Variants in BRCA2 observed in about 807,000 individuals in gnomAD.
BRCA2 encodes the protein breast cancer type 2 susceptibility protein.
In BRCA2, 203 loss-of-function variants were observed where a neutral mutation model predicts 276.7. The ratio of observed to expected loss-of-function variants is 0.73; its 90% CI spans 0.65 to 0.82. BRCA2 has a LOEUF of 0.82. Among genes scored for constraint, BRCA2 ranks in the 40% least tolerant of loss-of-function variants. The pLI is 0.00. For synonymous variants in BRCA2, 1,289 were observed against 1,338.4 expected, an observed-to-expected ratio of 0.96 and a Z score of 0.81; for missense variants, 3,920 against 3,915.0, an observed-to-expected ratio of 1.00 and a Z score of -0.03.
rs876660049 is a variant in BRCA2 at position 32,340,936 on chromosome 13, T to C, written c.6581T>C (p.Ile2194Thr). Residue 2194 changes from isoleucine to threonine, a missense_variant, in exon 11 of 27, where the codon ATT becomes ACT. Around this residue, in one of 2 missense-constraint regions of BRCA2, gnomAD observed 3,263 missense variants for 3,156.9 expected, o/e 1.03. Coordinates refer to ENST00000380152, the MANE Select transcript of BRCA2 (RefSeq NM_000059.4). Reference protein sequence around the residue: ...QASPKNVKMEIGKTETFSDVP... With the variant: ...QASPKNVKMETGKTETFSDVP... ...TCACCTAAAAACGTAAAAATGGAAATTGGTAAAACTGAAACTTTTTCTGAT... is the reference window on the plus strand; with the variant it reads ...TCACCTAAAAACGTAAAAATGGAAACTGGTAAAACTGAAACTTTTTCTGAT... 2 of 1,610,136 alleles carry C rather than the reference T, an allele frequency of 1.2e-6. No individual in the cohort carries two copies. The highest frequency in any genetic ancestry group is 1.7e-6 in the Non-Finnish European group (2 of 1,179,110).
chr13:32,377,950 G>A (rs531757522), intron 21 of BRCA2, among the ~76,000 whole-genome samples: 2 of 152,294 alleles, frequency 1.3e-5, no homozygotes, highest in South Asian at 4.1e-4. Context: ...ATACTGAGTA[G>A]AATTCCCTCC....
chr13:32,334,484 T>C (rs1004772241), intron 10 of BRCA2, among the ~76,000 whole-genome samples: 2 of 151,960 alleles, frequency 1.3e-5, no homozygotes, highest in African/African-American at 4.8e-5. Context: ...AAGAACACCC[T>C]GGGCAACATA....
chr13:32,380,406 T>C (rs374023174), intron 24 of BRCA2, among the ~76,000 whole-genome samples: 1 of 152,180 alleles, frequency 6.6e-6, no homozygotes, highest in East Asian at 1.9e-4. Context: ...CTGCAATTTA[T>C]GTTTTCTTAC....
chr13:32,363,921 T>G (rs182214579), intron 18 of BRCA2, among the ~76,000 whole-genome samples: 18 of 152,320 alleles, frequency 1.2e-4, no homozygotes, highest in Non-Finnish European at 2.1e-4. Context: ...ATGTAGATTT[T>G]AAACTACATA....
chr13:32,328,618 G>GA (rs1217101127), intron 7 of BRCA2, among the ~76,000 whole-genome samples: 1 of 152,070 alleles, frequency 6.6e-6, no homozygotes, highest in Admixed American at 6.6e-5. Context: ...TAAATGAAAT[G>GA]AAAATTCTGA....
intron 26 of BRCA2, 36 bp from the exon 27 acceptor site, chr13:32,398,126 T>C (rs761755909): frequency 6.3e-7 from 1 of 1,577,448 alleles, no homozygotes; most frequent in Non-Finnish European, 8.6e-7. Flanking sequence ...TGTTACTACA[T>C]AATTATGATA....
At position 32,340,541 on chromosome 13, in the gene BRCA2, T is replaced by A. The variant is rs1315692124; in HGVS notation, c.6186T>A (p.Ser2062Arg). 1 of 1,613,082 alleles carries A rather than the reference T, an allele frequency of 6.2e-7. No homozygotes were observed. Among genetic ancestry groups the A allele is most frequent in the Non-Finnish European group, 8.5e-7 (1 of 1,179,530 alleles). ...SSAFSGFSTA[S>R]GKQVSILESS... ...CTTTCTCTGGATTTAGTACAGCAAG[T>A]GGAAAGCAAGTTTCCATTTTAGAAA... The change falls in exon 11 of 27, where the codon AGT becomes AGA. Residue 2062 changes from serine to arginine, a missense_variant. This residue lies in a region of BRCA2 where 3,263 missense variants were observed against 3,156.9 expected (regional missense o/e 1.03). Transcript: ENST00000380152.
chr13:32,378,428 GA>G (rs1369553186), intron 21 of BRCA2, among the ~76,000 whole-genome samples: 1 of 152,170 alleles, frequency 6.6e-6, no homozygotes, highest in African/African-American at 2.4e-5. Context: ...AGTCCTGTTA[GA>G]ATTTGTTTTC....
chr13:32,326,651 A>T (rs760707821), intron 7 of BRCA2, 38 bp downstream of exon 7: 1 of 1,453,176 alleles, frequency 6.9e-7, no homozygotes, highest in South Asian at 1.2e-5. Flanking sequence ...GAAAGAGCAG[A>T]TGAGGTTGAT....
chr13:32,370,834 C>T, intron 19 of BRCA2, 122 bp from the exon 20 acceptor site: 2 of 1,241,638 alleles, frequency 1.6e-6, no homozygotes, highest in Non-Finnish European at 2.3e-6. Context: ...CTCAGGTGAT[C>T]CACTAATCTC....
rs81002842 is a variant in BRCA2, at chr13:32,326,054, G to T, written c.426-47G>T. Reference sequence around the variant, plus strand: ...TTAAAAATAAGATAAACTAGTTTTTGCCAGTTTTTTAAAATAACCTAAGGG... The same window carrying T: ...TTAAAAATAAGATAAACTAGTTTTTTCCAGTTTTTTAAAATAACCTAAGGG... On this transcript the variant is annotated intron_variant, in intron 4 of 26. Coordinates refer to ENST00000380152, the MANE Select transcript of BRCA2 (RefSeq NM_000059.4). 1.6e-5 allele frequency: 24 copies of T among 1,518,434 alleles called. No homozygotes were observed. The highest frequency in any genetic ancestry group is 2.1e-5 in the Non-Finnish European group (23 of 1,106,928). The allele number at this position is 1,518,434 out of a possible 1,614,324, so 94.1% of individuals were successfully genotyped here. A position where few individuals can be genotyped will look rare whatever the true frequency, so the allele number is the denominator to read the frequency against.
In BRCA2 at chr13:32,340,864, A is replaced by G. The variant is rs1252272917; in HGVS notation, c.6509A>G (p.Lys2170Arg). The change falls in exon 11 of 27, where the codon AAA (lysine) becomes AGA (arginine). Residue 2170 changes from lysine (K) to arginine (R), a missense_variant. Coordinates refer to ENST00000380152, the MANE Select transcript of BRCA2 (RefSeq NM_000059.4). Reference sequence around the variant, plus strand: ...AAACAACAGTTGGTATTAGGAACCAAAGTGTCACTTGTTGAGAACATTCAT... The same window carrying G: ...AAACAACAGTTGGTATTAGGAACCAGAGTGTCACTTGTTGAGAACATTCAT... ...QDKQQLVLGTKVSLVENIHVL... is the reference protein window; with the variant it reads ...QDKQQLVLGTRVSLVENIHVL... 1 of 1,600,642 alleles carries G rather than the reference A, an allele frequency of 6.2e-7. No individual in the cohort carries two copies. Among genetic ancestry groups the G allele is most frequent in the Non-Finnish European group, 8.5e-7 (1 of 1,176,098 alleles).
intron 3 of BRCA2, among the ~76,000 whole-genome samples, chr13:32,323,310 ACCTGG>A (rs2072319696): frequency 6.6e-6 from 1 of 151,748 alleles, no homozygotes; most frequent in South Asian, 2.1e-4. Context: ...CCGCCACCAC[ACCTGG>A]CTGATTTTTT....
At chr13:32,319,361 C>T in intron 3 of BRCA2, 36 bp downstream of exon 3, 1 of 1,576,608 alleles carries the variant, frequency 6.3e-7, no homozygotes, top group Non-Finnish European at 8.7e-7. Context: ...GGGAGAACTA[C>T]AAACTAGGAA....
At position 32,340,803 on chromosome 13, in the gene BRCA2, A is replaced by C. The variant is rs1403648108; in HGVS notation, c.6448A>C (p.Lys2150Gln). The change falls in exon 11 of 27, where the codon AAA becomes CAA. Residue 2150 changes from lysine (K) to glutamine (Q), a missense_variant. Transcript: ENST00000380152. ...TTCTTCAGAAAATAATCACTCTATT[A>C]AAGTTTCTCCATATCTCTCTCAATT... Reference protein sequence around the residue: ...GGSSENNHSIKVSPYLSQFQQ... With the variant: ...GGSSENNHSIQVSPYLSQFQQ... 6.3e-7 allele frequency: 1 copy of C among 1,593,346 alleles called. No individual in the cohort carries two copies. The highest frequency in any genetic ancestry group is 2.2e-5 in the East Asian group (1 of 44,710).
At chr13:32,377,967 G>A (rs946698388) in intron 21 of BRCA2, among the ~76,000 whole-genome samples, 2 of 152,130 alleles carry the variant, frequency 1.3e-5, no homozygotes, top group East Asian at 1.9e-4. Flanking sequence ...CTCCTGTTCC[G>A]AAATGTTACA....
intron 3 of BRCA2, among the ~76,000 whole-genome samples, chr13:32,322,384 A>G (rs1184919856): frequency 6.6e-6 from 1 of 152,232 alleles, no homozygotes; most frequent in East Asian, 1.9e-4. Flanking sequence ...CAGGGGTCTC[A>G]CAGCCTTTTG....
rs1189525458 is a variant in BRCA2, at chr13:32,336,305, T to C, written c.1950T>C (p.Asn650=). ...CTGTGAAAAGAAGCTGTTCACAGAATGATTCTGAAGAACCAACTTTGTCCT... is the reference window on the plus strand; with the variant it reads ...CTGTGAAAAGAAGCTGTTCACAGAACGATTCTGAAGAACCAACTTTGTCCT... ...HSSVKRSCSQ[N]DSEEPTLSLT... is the part of the protein sequence containing the mutation. Residue 650 remains asparagine, a synonymous_variant, in exon 11 of 27, where the codon AAT becomes AAC. Coordinates refer to ENST00000380152, the MANE Select transcript of BRCA2 (RefSeq NM_000059.4). 1 of 1,603,118 alleles carries C rather than the reference T, an allele frequency of 6.2e-7. No individual in the cohort carries two copies. Among genetic ancestry groups the C allele is most frequent in the East Asian group, 2.2e-5 (1 of 44,788 alleles).
chr13:32,338,137 CTTCAAGTAAATGTCATGATTCTGTTGT>C lies in BRCA2; in HGVS notation c.3788_3814del (p.Ser1263_Ser1271del). 1 of 1,603,828 alleles carries C rather than the reference CTTCAAGTAAATGTCATGATTCTGTTGT, an allele frequency of 6.2e-7. No individual in the cohort carries two copies. Among genetic ancestry groups the C allele is most frequent in the Non-Finnish European group, 8.5e-7 (1 of 1,174,470 alleles). ...GCAGAGGTACATCCAATAAGTTTAT[CTTCAAGTAAATGTCATGATTCTGTTGT>C]TTCAATGTTTAAGATAGAAAATCAT... On this transcript the variant is annotated inframe_deletion, in exon 11 of 27. Transcript: ENST00000380152.
Sources: allele counts gnomAD v4.1 joint callset (sites outside exome capture counted in the v4.1 genomes callset), GRCh38; gene constraint gnomAD v4.1.1; regional missense constraint gnomAD v4.1.1; transcripts MANE v1.5; gene names NCBI Gene and HGNC (gene_info 2026-07-23, HGNC 2026-07-21).